AGBL4: variants seen among roughly 807,000 people sequenced by gnomAD.
AGBL4 encodes AGBL carboxypeptidase 4.
A neutral mutation model predicts 66.4 loss-of-function variants in AGBL4; 58 were observed. The ratio of observed to expected loss-of-function variants is 0.87; its 90% CI spans 0.71 to 1.09. The LOEUF is 1.09. Among genes scored for constraint, AGBL4 ranks in the 50% least tolerant of loss-of-function variants. The pLI, the probability that AGBL4 is intolerant of heterozygous loss-of-function variation, is 0.00. For synonymous variants in AGBL4, 234 were observed against 222.9 expected, an observed-to-expected ratio of 1.05 and a Z score of -0.44; for missense variants, 579 against 631.0, an observed-to-expected ratio of 0.92 and a Z score of 0.88.
rs1045612107 is a variant in AGBL4 at position 49,846,309 on chromosome 1, C to T, written c.157+5087G>A. On this transcript the variant is annotated intron_variant, in intron 2 of 13. Transcript: ENST00000371839. ...CTCACACAGCACTGGAGGATCCACA[C>T]AGGAGAGAAGCCATATGCATGCAGG... 1.2e-5 allele frequency: 18 copies of T among 1,527,974 alleles called. No individual in the cohort carries two copies. The African/African-American group carries it at 2.5e-4, about 21-fold the overall frequency. The allele number at this position is 1,527,974 out of a possible 1,614,324, so 94.7% of individuals were successfully genotyped here.
chr1:48,833,826 T>C (rs10082274), intron 6 of AGBL4, among the ~76,000 whole-genome samples: 5,564 of 152,216 alleles, frequency 0.037, 334 homozygotes, highest in African/African-American at 0.12. Context: ...AAATGTGCCC[T>C]GTTCCTCAAA....
At chr1:49,496,933 T>C (rs953801939) in intron 3 of AGBL4, among the ~76,000 whole-genome samples, 2 of 152,032 alleles carry the variant, frequency 1.3e-5, no homozygotes, top group African/African-American at 4.8e-5. Context: ...TTTAATTTTT[T>C]GAGAAACATT....
intron 3 of AGBL4, among the ~76,000 whole-genome samples, chr1:49,392,292 T>A (rs529236669): frequency 6.6e-6 from 1 of 152,172 alleles, no homozygotes; most frequent in Non-Finnish European, 1.5e-5. Flanking sequence ...CTGTAGAAAG[T>A]TCTATTTTTG....
chr1:48,813,605 A>C (rs995297786), intron 6 of AGBL4, among the ~76,000 whole-genome samples: 2 of 152,170 alleles, frequency 1.3e-5, no homozygotes, highest in Non-Finnish European at 2.9e-5. Context: ...CAACCTGGCC[A>C]CCAGGGCTCT....
chr1:49,031,187 A>G (rs1557578446), intron 5 of AGBL4, among the ~76,000 whole-genome samples: 1 of 152,128 alleles, frequency 6.6e-6, no homozygotes, highest in Non-Finnish European at 1.5e-5. Flanking sequence ...TCCCAGGCTC[A>G]AGCAATTCTC....
intron 5 of AGBL4, among the ~76,000 whole-genome samples, chr1:49,017,111 A>G (rs1156418720): frequency 6.6e-6 from 1 of 152,190 alleles, no homozygotes; most frequent in Admixed American, 6.5e-5. Context: ...CTTGATCTAT[A>G]TCAGGTCATA....
intron 4 of AGBL4, among the ~76,000 whole-genome samples, chr1:49,055,460 C>T (rs148837437): frequency 2.6e-5 from 4 of 152,006 alleles, no homozygotes; most frequent in Admixed American, 6.6e-5. Flanking sequence ...AGAGAAAATG[C>T]CTTTTTAATT....
At chr1:49,919,535 T>C (rs1010924002) in intron 1 of AGBL4, among the ~76,000 whole-genome samples, 1 of 152,116 alleles carries the variant, frequency 6.6e-6, no homozygotes, top group African/African-American at 2.4e-5. Context: ...TTACAAGGGA[T>C]GTGAAGGAAC....
At chr1:49,282,502 A>G (rs1343292108) in intron 3 of AGBL4, among the ~76,000 whole-genome samples, 1 of 152,134 alleles carries the variant, frequency 6.6e-6, no homozygotes, top group African/African-American at 2.4e-5. Context: ...AAATATTAAG[A>G]AAGTAGGGGG....
At chr1:50,010,008 A>G (rs545948675) in intron 1 of AGBL4, among the ~76,000 whole-genome samples, 2 of 152,272 alleles carry the variant, frequency 1.3e-5, no homozygotes, top group South Asian at 4.2e-4. Context: ...GAGGACGTCA[A>G]AAAATAAAAA....
At chr1:48,631,341 G>A in intron 9 of AGBL4, among the ~76,000 whole-genome samples, 1 of 152,180 alleles carries the variant, frequency 6.6e-6, no homozygotes, top group East Asian at 1.9e-4. Context: ...CCAGGTAATG[G>A]TTGTTGAGGG....
chr1:49,852,416 G>C (rs1205789170), intron 1 of AGBL4, among the ~76,000 whole-genome samples: 1 of 152,126 alleles, frequency 6.6e-6, no homozygotes. Flanking sequence ...GACACACAGG[G>C]AATTCACGTC....
At chr1:49,836,508 A>G (rs546941672) in intron 2 of AGBL4, among the ~76,000 whole-genome samples, 1 of 152,240 alleles carries the variant, frequency 6.6e-6, no homozygotes, top group African/African-American at 2.4e-5. Context: ...GCTTCCTTGC[A>G]TTGGGTTAGA....
chr1:49,761,414 AG>A (rs1278296946), intron 2 of AGBL4, among the ~76,000 whole-genome samples: 1 of 152,204 alleles, frequency 6.6e-6, no homozygotes, highest in East Asian at 1.9e-4. Context: ...GCATCGGAAA[AG>A]GACTCTGTGA....
chr1:49,216,680 T>A (rs1172450208), intron 4 of AGBL4, among the ~76,000 whole-genome samples: 1 of 152,132 alleles, frequency 6.6e-6, no homozygotes, highest in Non-Finnish European at 1.5e-5. Flanking sequence ...TTTAAGTGTT[T>A]CCTCAAGTTT....
chr1:48,837,443 A>G (rs540192433), intron 6 of AGBL4, among the ~76,000 whole-genome samples: 1 of 151,992 alleles, frequency 6.6e-6, no homozygotes, highest in East Asian at 1.9e-4. Flanking sequence ...GGCACCATCT[A>G]ATCAGGTGCC....
intron 5 of AGBL4, among the ~76,000 whole-genome samples, chr1:48,980,290 T>G (rs948595575): frequency 9.2e-5 from 14 of 152,190 alleles, no homozygotes; most frequent in African/African-American, 3.4e-4. Flanking sequence ...TGAGAGCATT[T>G]AGTACAGGTC....
chr1:49,245,844 A>C lies in AGBL4; in HGVS notation c.303T>G (p.Val101=). The stretch of plus-strand genomic sequence containing the variant: ...AGAGACTCTTGGTTTTACTGAAGTT[A>C]ACAATGTTGAAAATGACCCTCTGAA... ...KESQRVIFNI[V]NFSKTKSLYR... The change falls in exon 4 of 14, where the codon GTT becomes GTG. Residue 101 remains valine (V), a synonymous_variant. Transcript: ENST00000371839. 1 of 1,549,322 alleles carries C rather than the reference A, an allele frequency of 6.5e-7. No individual in the cohort carries two copies. Among genetic ancestry groups the C allele is most frequent in the Non-Finnish European group, 8.7e-7 (1 of 1,145,268 alleles).
chr1:49,495,452 C>A (rs1647457949), intron 3 of AGBL4, among the ~76,000 whole-genome samples: 1 of 151,716 alleles, frequency 6.6e-6, no homozygotes, highest in African/African-American at 2.4e-5. Flanking sequence ...CCCAGGGAAT[C>A]CAAAAGATTA....
Sources: gnomAD v4.1 joint callset for allele counts (sites outside exome capture counted in the v4.1 genomes callset) on GRCh38, gnomAD v4.1.1 for gene constraint, MANE v1.5 for transcripts, NCBI Gene and HGNC (gene_info 2026-07-23, HGNC 2026-07-21) for gene names.